The following RBCK1 variants were observed in gnomAD, a reference collection of about 807,000 sequenced individuals.
RBCK1 encodes the protein ranBP-type and C3HC4-type zinc finger-containing protein 1.
Under a neutral mutation model 71.1 loss-of-function variants are expected in RBCK1, and 44 were observed. The observed-to-expected ratio is 0.62, with a 90% CI of 0.49 to 0.80. The LOEUF is 0.80. Ranked by LOEUF, RBCK1 falls within the 30% of genes least tolerant of loss-of-function variation. The probability of loss-of-function intolerance (pLI) is 0.00; values close to 1 mark genes in which losing one functional copy is unlikely to be tolerated. For synonymous variants in RBCK1, 306 were observed against 279.7 expected, an observed-to-expected ratio of 1.09 and a Z score of -0.94; for missense variants, 569 against 685.0, an observed-to-expected ratio of 0.83 and a Z score of 1.89.
chr20:431,325 G>A lies in RBCK1; in HGVS notation c.*895G>A, dbSNP rs2017006997. Among the ~76,000 whole-genome samples, 3 of 152,256 alleles carry A rather than the reference G, an allele frequency of 2.0e-5. No homozygotes were observed. The highest frequency in any genetic ancestry group is 4.2e-4 in the South Asian group (2 of 4,818). On this transcript the variant is annotated 3_prime_UTR_variant, in exon 12 of 12. Transcript: ENST00000356286. This position sits in a 1 kb window ranked among gnomAD's most constrained non-coding sequence, Gnocchi z 4.8. ...GCAGGTAGATAGTTCAAGAAGGAACGAAGCTGCTGCAGTTGAGGGGTGGGG... is the reference window on the plus strand; with the variant it reads ...GCAGGTAGATAGTTCAAGAAGGAACAAAGCTGCTGCAGTTGAGGGGTGGGG...
rs1600322088 is a variant in RBCK1 at position 432,075 on chromosome 20, C to T, written c.*1645C>T. On this transcript the variant is annotated 3_prime_UTR_variant, in exon 12 of 12. Transcript: ENST00000356286. The surrounding 1 kb of genome is among the most constrained non-coding windows in gnomAD (Gnocchi z 4.3). ...GTTTTAGAAATTTAAATCGGTTGCCCATCTTTTTAAATTGGCAACATCGTT... is the reference window on the plus strand; with the variant it reads ...GTTTTAGAAATTTAAATCGGTTGCCTATCTTTTTAAATTGGCAACATCGTT... 6.6e-6 allele frequency among the ~76,000 whole-genome samples: 1 copy of T among 152,278 alleles called. No individual in the cohort carries two copies. The highest frequency in any genetic ancestry group is 2.4e-5 in the African/African-American group (1 of 41,566).
rs191217132 is a variant in RBCK1 at position 414,173 on chromosome 20, A to G, written c.168-3353A>G. The stretch of plus-strand genomic sequence containing the variant: ...TGGGCATGGCGGCTCAGCACTTTGG[A>G]AGGCTCAGGCAGGAGAATGGCTTGA... On this transcript the variant is annotated intron_variant, in intron 2 of 11. Coordinates refer to ENST00000356286, the MANE Select transcript of RBCK1 (RefSeq NM_031229.4). Among the ~76,000 whole-genome samples the G allele has an allele frequency of 9.4e-4, 143 of 152,156 alleles. No homozygotes were observed. In the Middle Eastern group the frequency reaches 0.024, roughly 26 times the overall value.
At position 420,063 on chromosome 20, in the gene RBCK1, C is replaced by A. The variant is rs2016290309; in HGVS notation, c.756+332C>A. 2.4e-5 allele frequency: 24 copies of A among 985,134 alleles called. No homozygotes were observed. The South Asian group carries it at 8.9e-4, about 37-fold the overall frequency. 61.0% of individuals were successfully genotyped at this position (985,134 alleles called of 1,614,324 possible). On this transcript the variant is annotated intron_variant, in intron 6 of 11. Transcript: ENST00000356286. ...CATGACCCCAGCACCCTAGCCATGA[C>A]CCCAGCACCCTAGCCATGACCACAC...
chr20:419,677 G>A lies in RBCK1; in HGVS notation c.702G>A (p.Glu234=). 1 of 1,579,546 alleles carries A rather than the reference G, an allele frequency of 6.3e-7. No individual in the cohort carries two copies. The highest frequency in any genetic ancestry group is 8.6e-7 in the Non-Finnish European group (1 of 1,165,608). The change falls in exon 6 of 12, where the codon GAG becomes GAA. Residue 234 remains glutamate (E), a synonymous_variant. Transcript: ENST00000356286. Reference sequence around the variant, plus strand: ...TCCCCGCCTCATACCAGCCCGACGAGGAGGAGCGAGCGCGCCTGGCGGGCG... The same window carrying A: ...TCCCCGCCTCATACCAGCCCGACGAAGAGGAGCGAGCGCGCCTGGCGGGCG... ...YQVPASYQPD[E]EERARLAGEE...
At chr20:420,155 C>G (rs751741194) in intron 6 of RBCK1, 18 of 985,100 alleles carry the variant, frequency 1.8e-5, no homozygotes, top group South Asian at 4.7e-5. Context: ...TGACCTCACC[C>G]TGGACTCTCC....
At chr20:425,534 C>T (rs896310561) in intron 8 of RBCK1, among the ~76,000 whole-genome samples, 11 of 151,808 alleles carry the variant, frequency 7.2e-5, no homozygotes, top group African/African-American at 1.2e-4. Context: ...AAGATTATTA[C>T]AAATCTCAAT....
chr20:430,528 C>G lies in RBCK1; in HGVS notation c.*98C>G, dbSNP rs573658689. 2.4e-4 allele frequency: 296 copies of G among 1,235,076 alleles called. 1 individual carries two copies. Among genetic ancestry groups the G allele is most frequent in the Non-Finnish European group, 2.3e-4 (199 of 854,656 alleles). 76.5% of individuals were successfully genotyped at this position (1,235,076 alleles called of 1,614,324 possible). A position where few individuals can be genotyped will look rare whatever the true frequency, so the allele number is the denominator to read the frequency against. ...TCGTGGACGGCCTTGCTTGCTGTAG[C>G]GTTGTAGGGGCCCTGCCTGCACTGC... On this transcript the variant is annotated 3_prime_UTR_variant, in exon 12 of 12. Coordinates refer to ENST00000356286, the MANE Select transcript of RBCK1 (RefSeq NM_031229.4). This position sits in a 1 kb window ranked among gnomAD's most constrained non-coding sequence, Gnocchi z 5.6.
rs1242301353 is a variant in RBCK1 at position 431,626 on chromosome 20, C to T, written c.*1196C>T. On this transcript the variant is annotated 3_prime_UTR_variant, in exon 12 of 12. Transcript: ENST00000356286. The surrounding 1 kb of genome is among the most constrained non-coding windows in gnomAD (Gnocchi z 4.8). Reference sequence around the variant, plus strand: ...GGCCTGTGATTTTGTGGGGAAGGGCCTGTTCTAGCAACTGGAAAGGCACTG... The same window carrying T: ...GGCCTGTGATTTTGTGGGGAAGGGCTTGTTCTAGCAACTGGAAAGGCACTG... Among the ~76,000 whole-genome samples the T allele has an allele frequency of 1.3e-5, 2 of 152,154 alleles. No individual in the cohort carries two copies. The highest frequency in any genetic ancestry group is 4.8e-5 in the African/African-American group (2 of 41,430).
At position 417,688 on chromosome 20, in the gene RBCK1, C is replaced by T. The variant is rs747538597; in HGVS notation, c.262-44C>T. 1 of 1,604,706 alleles carries T rather than the reference C, an allele frequency of 6.2e-7. No individual in the cohort carries two copies. ...CTTTCACTCCTGCTTCCTCTCTCTC[C>T]TCTGGCCCTCCCTTCCCACTCTCCC... On this transcript the variant is annotated intron_variant, in intron 3 of 11. Coordinates refer to ENST00000356286, the MANE Select transcript of RBCK1 (RefSeq NM_031229.4). The surrounding 1 kb of genome is among the most constrained non-coding windows in gnomAD (Gnocchi z 4.7).
At chr20:409,767 C>G in intron 1 of RBCK1, 114 bp from the exon 2 acceptor site, 1 of 1,482,362 alleles carries the variant, frequency 6.7e-7, no homozygotes. Context: ...AGGAGTTCAC[C>G]AGGAAGACAG....
At chr20:423,570 T>A (rs985604742) in intron 8 of RBCK1, among the ~76,000 whole-genome samples, 1 of 152,138 alleles carries the variant, frequency 6.6e-6, no homozygotes, top group African/African-American at 2.4e-5. Flanking sequence ...TGTATAACAT[T>A]TATGTTATAT....
intron 7 of RBCK1, among the ~76,000 whole-genome samples, chr20:421,330 A>G (rs2016426789): frequency 6.6e-6 from 1 of 152,082 alleles, no homozygotes; most frequent in Admixed American, 6.5e-5. Flanking sequence ...CGCTGCTCTC[A>G]GCCTCGCTGT....
chr20:421,409 G>A (rs6051899), intron 7 of RBCK1, among the ~76,000 whole-genome samples: 102,797 of 152,094 alleles, frequency 0.68, 35,250 homozygotes, highest in African/African-American at 0.8. Flanking sequence ...ACACAGACCC[G>A]CTCACCACAG....
chr20:410,619 G>C, intron 2 of RBCK1: 1 of 768,768 alleles, frequency 1.3e-6, no homozygotes. Flanking sequence ...TATTCAGCTA[G>C]AATTCAGGGG....
At position 430,523 on chromosome 20, in the gene RBCK1, T is replaced by C. The variant is rs2016965968; in HGVS notation, c.*93T>C. 7.9e-7 allele frequency: 1 copy of C among 1,271,504 alleles called. No homozygotes were observed. The highest frequency in any genetic ancestry group is 1.8e-5 in the Admixed American group (1 of 55,982). The allele number at this position is 1,271,504 out of a possible 1,614,324, so 78.8% of individuals were successfully genotyped here. ...GAGCTTCGTGGACGGCCTTGCTTGC[T>C]GTAGCGTTGTAGGGGCCCTGCCTGC... is the stretch of plus-strand genomic sequence containing the variant. On this transcript the variant is annotated 3_prime_UTR_variant, in exon 12 of 12. Transcript: ENST00000356286. The surrounding 1 kb of genome is among the most constrained non-coding windows in gnomAD (Gnocchi z 5.6).
intron 7 of RBCK1, among the ~76,000 whole-genome samples, chr20:421,686 T>A (rs750260363): frequency 6.6e-6 from 1 of 151,598 alleles, no homozygotes; most frequent in African/African-American, 2.4e-5. Context: ...TGGAGGAGAC[T>A]GAGGAGGTCT....
In RBCK1 at chr20:417,461, G is replaced by A; in HGVS notation, c.168-65G>A. On this transcript the variant is annotated intron_variant, in intron 2 of 11. Transcript: ENST00000356286. This position sits in a 1 kb window ranked among gnomAD's most constrained non-coding sequence, Gnocchi z 4.7. ...CCTGTGTGCAAATATGTACATGTCT[G>A]TAGCCGGTGGCTGAGGCTGGACCCC... is the stretch of plus-strand genomic sequence containing the variant. 1.4e-6 allele frequency: 2 copies of A among 1,381,842 alleles called. No individual in the cohort carries two copies. Among genetic ancestry groups the A allele is most frequent in the Non-Finnish European group, 2.1e-6 (2 of 971,722 alleles). The allele number at this position is 1,381,842 out of a possible 1,614,324, so 85.6% of individuals were successfully genotyped here. A position where few individuals can be genotyped will look rare whatever the true frequency, so the allele number is the denominator to read the frequency against.
intron 4 of RBCK1, among the ~76,000 whole-genome samples, chr20:418,820 G>A (rs1316283127): frequency 6.6e-6 from 1 of 152,148 alleles, no homozygotes; most frequent in Non-Finnish European, 1.5e-5. Context: ...ACATTACTGG[G>A]TATAACAATC....
Position 419,872 on chromosome 20 carries a change from C to CCATGCTG in RBCK1, c.756+142_756+143insATGCTGC, listed in dbSNP as rs1197069172. The CCATGCTG allele has an allele frequency of 4.3e-3, 1,644 of 383,094 alleles. 8 individuals are homozygous for CCATGCTG. The Middle Eastern group carries it at 0.066, about 15-fold the overall frequency. 23.7% of individuals were successfully genotyped at this position (383,094 alleles called of 1,614,324 possible). A position where few individuals can be genotyped will look rare whatever the true frequency, so the allele number is the denominator to read the frequency against. ...CCATGCTGCTGGCAGTGACCCTGCA[C>CCATGCTG]CTGGCTGTGACCCTGCACCTGGCTG... On this transcript the variant is annotated intron_variant, in intron 6 of 11. Transcript: ENST00000356286.
Sources: allele counts gnomAD v4.1 joint callset (sites outside exome capture counted in the v4.1 genomes callset), GRCh38; gene constraint gnomAD v4.1.1; non-coding constraint Gnocchi (gnomAD v3.1); transcripts MANE v1.5; gene names NCBI Gene and HGNC (gene_info 2026-07-23, HGNC 2026-07-21).